The following NHS variants were observed in gnomAD, a reference collection of about 807,000 sequenced individuals.
NHS encodes actin remodeling regulator NHS.
NHS carries 5 observed loss-of-function variants against 72.5 expected under a neutral mutation model. The ratio of observed to expected loss-of-function variants is 0.07; its 90% CI spans 0.04 to 0.14. The LOEUF (loss-of-function observed/expected upper bound fraction) is 0.14, where lower values mean the gene tolerates loss of function less well. Ranked by LOEUF, NHS falls within the 10% of genes least tolerant of loss-of-function variation. NHS has a pLI of 1.00. For missense variants in NHS, 1,072 were observed against 1,355.7 expected, an observed-to-expected ratio of 0.79 and a Z score of 3.29; for synonymous variants, 464 against 547.7, an observed-to-expected ratio of 0.85 and a Z score of 2.13.
intron 1 of NHS, among the ~76,000 whole-genome samples, chrX:17,659,953 T>C (rs1203288535): frequency 1.8e-5 from 2 of 112,285 alleles, no homozygotes; most frequent in Non-Finnish European, 3.8e-5. Context: ...TGGACTATTT[T>C]ACCATACTAC....
At chrX:17,671,979 C>A (rs1458249668) in intron 1 of NHS, among the ~76,000 whole-genome samples, 1 of 111,563 alleles carries the variant, frequency 9.0e-6, no homozygotes, top group Non-Finnish European at 1.9e-5. Flanking sequence ...TGCACTCTTG[C>A]CATCTGAGTT....
intron 1 of NHS, among the ~76,000 whole-genome samples, chrX:17,430,303 CT>C (rs2064686118): frequency 2.8e-5 from 2 of 70,942 alleles, no homozygotes; most frequent in Non-Finnish European, 2.5e-5. Context: ...TTCTTTCTTT[CT>C]TTCTTTCTTT....
rs1166011488 is a variant in NHS, at chrX:17,434,441, A to ATTT, written c.565+58138_565+58140dup. 6.5e-5 allele frequency among the ~76,000 whole-genome samples: 6 copies of ATTT among 91,861 alleles called. 1 individual carries two copies. Among genetic ancestry groups the ATTT allele is most frequent in the African/African-American group, 1.7e-4 (4 of 22,909 alleles). The allele number at this position is 91,861 out of a possible 115,157, so 79.8% of individuals were successfully genotyped here. Reference sequence around the variant, plus strand: ...CCAAGCACATTCATTCATTCAAACAATTTTTTTTTTTTTTTTTTTTTGGAC... The same window carrying ATTT: ...CCAAGCACATTCATTCATTCAAACAATTTTTTTTTTTTTTTTTTTTTTTTGGAC... On this transcript the variant is annotated intron_variant, in intron 1 of 8. Coordinates refer to ENST00000676302, the MANE Select transcript of NHS (RefSeq NM_001291867.2).
rs140651578 is a variant in NHS, at chrX:17,576,137, T to C, written c.566-111605T>C. On this transcript the variant is annotated intron_variant, in intron 1 of 8. Coordinates refer to ENST00000676302, the MANE Select transcript of NHS (RefSeq NM_001291867.2). ...AATGTTATTCCCTGAATAGCACTTATAGAATACCTAATATGTTATTCTCTC... is the reference window on the plus strand; with the variant it reads ...AATGTTATTCCCTGAATAGCACTTACAGAATACCTAATATGTTATTCTCTC... Among the ~76,000 whole-genome samples, 605 of 111,615 alleles carry C rather than the reference T, an allele frequency of 5.4e-3. 5 individuals are homozygous for C. Among genetic ancestry groups the C allele is most frequent in the African/African-American group, 0.019 (587 of 30,636 alleles).
intron 1 of NHS, among the ~76,000 whole-genome samples, chrX:17,525,231 C>G (rs781555801): frequency 8.9e-6 from 1 of 112,317 alleles, no homozygotes; most frequent in South Asian, 3.7e-4. Context: ...GTGGCATCTG[C>G]TGGAAAATTG....
chrX:17,635,747 C>A (rs1569297878), intron 1 of NHS: 1 of 617,874 alleles, frequency 1.6e-6, no homozygotes, highest in Non-Finnish European at 2.5e-6. Context: ...TTCACAGGAA[C>A]AGCTGTGAGG....
At chrX:17,599,916 A>G (rs1376784116) in intron 1 of NHS, among the ~76,000 whole-genome samples, 1 of 111,311 alleles carries the variant, frequency 9.0e-6, no homozygotes, top group East Asian at 2.8e-4. Flanking sequence ...ACTAAGAATC[A>G]AAACCTCTGG....
intron 3 of NHS, among the ~76,000 whole-genome samples, chrX:17,694,854 T>G (rs776546077): frequency 1.8e-5 from 2 of 112,084 alleles, no homozygotes; most frequent in Non-Finnish European, 3.8e-5. Context: ...CGTGTTTAAA[T>G]CCCAGCACTA....
intron 1 of NHS, among the ~76,000 whole-genome samples, chrX:17,548,837 G>A (rs141092490): frequency 0.015 from 1,682 of 111,434 alleles, 15 homozygotes; most frequent in Middle Eastern, 0.028. Context: ...CTGACAACAG[G>A]CCCCTGGGGG....
intron 1 of NHS, among the ~76,000 whole-genome samples, chrX:17,387,587 C>A (rs1489849931): frequency 8.9e-6 from 1 of 111,760 alleles, no homozygotes; most frequent in Admixed American, 9.5e-5. Context: ...AATTCATGAC[C>A]TTTTGGCATT....
intron 1 of NHS, among the ~76,000 whole-genome samples, chrX:17,390,308 A>G (rs2064437309): frequency 8.9e-6 from 1 of 112,369 alleles, no homozygotes; most frequent in South Asian, 3.7e-4. Context: ...GCCTGTATTT[A>G]TATTTTAATA....
intron 2 of NHS, 142 bp downstream of exon 2, chrX:17,688,036 A>C: frequency 1.5e-6 from 1 of 651,400 alleles, no homozygotes; most frequent in Non-Finnish European, 2.3e-6. Context: ...CCCTGAAATG[A>C]AATCCATGGG....
intron 1 of NHS, among the ~76,000 whole-genome samples, chrX:17,513,374 C>T (rs189954274): frequency 1.8e-5 from 2 of 112,316 alleles, no homozygotes; most frequent in African/African-American, 6.5e-5. Context: ...AACTTATACA[C>T]CACATGGCTC....
At chrX:17,561,571 C>CGT (rs2065414653) in intron 1 of NHS, among the ~76,000 whole-genome samples, 5 of 71,176 alleles carry the variant, frequency 7.0e-5, no homozygotes, top group Non-Finnish European at 1.2e-4. Flanking sequence ...CGCGCGCGCG[C>CGT]GCGCACACAC....
intron 3 of NHS, among the ~76,000 whole-genome samples, chrX:17,716,489 C>G (rs2066364838): frequency 9.0e-6 from 1 of 111,379 alleles, no homozygotes; most frequent in Non-Finnish European, 1.9e-5. Flanking sequence ...CTCTCATTTA[C>G]ACACCCTGGT....
At chrX:17,591,356 G>A (rs756751055) in intron 1 of NHS, among the ~76,000 whole-genome samples, 4 of 111,209 alleles carry the variant, frequency 3.6e-5, no homozygotes, top group Non-Finnish European at 7.5e-5. Context: ...GTGGCCAAAG[G>A]GTGTCAACGC....
At chrX:17,389,040 T>C (rs983497955) in intron 1 of NHS, among the ~76,000 whole-genome samples, 1 of 111,931 alleles carries the variant, frequency 8.9e-6, no homozygotes, top group Admixed American at 9.5e-5. Flanking sequence ...AACCATTGAA[T>C]GTTGAGGAAG....
At chrX:17,410,988 T>C (rs921873668) in intron 1 of NHS, among the ~76,000 whole-genome samples, 1 of 111,572 alleles carries the variant, frequency 9.0e-6, no homozygotes, top group African/African-American at 3.3e-5. Flanking sequence ...AAATTATAGT[T>C]ACAAGTGGCT....
At chrX:17,515,557 G>A (rs1046103713) in intron 1 of NHS, among the ~76,000 whole-genome samples, 10 of 112,314 alleles carry the variant, frequency 8.9e-5, no homozygotes, top group African/African-American at 3.2e-4. Flanking sequence ...AAATGTTTTT[G>A]TATATGCTGT....
Sources: allele counts gnomAD v4.1 joint callset (sites outside exome capture counted in the v4.1 genomes callset), GRCh38; gene constraint gnomAD v4.1.1; transcripts MANE v1.5; gene names NCBI Gene and HGNC (gene_info 2026-07-23, HGNC 2026-07-21).